DGKG: variants seen among roughly 807,000 people sequenced by gnomAD.
DGKG encodes diacylglycerol kinase gamma.
In DGKG, 78 loss-of-function variants were observed where a neutral mutation model predicts 105.3. The observed-to-expected ratio is 0.74, with a 90% CI of 0.62 to 0.89. DGKG has a LOEUF of 0.89. Among genes scored for constraint, DGKG ranks in the 40% least tolerant of loss-of-function variants. The pLI is 0.00. For missense variants in DGKG, 958 were observed against 1,020.1 expected, an observed-to-expected ratio of 0.94 and a Z score of 0.83; for synonymous variants, 346 against 367.1, an observed-to-expected ratio of 0.94 and a Z score of 0.66.
chr3:186,165,226 A>G (rs1194934510), intron 22 of DGKG, among the ~76,000 whole-genome samples: 1 of 152,228 alleles, frequency 6.6e-6, no homozygotes, highest in East Asian at 1.9e-4. Context: ...TTTAGTGAAA[A>G]AAGATTTTGA....
chr3:186,326,716 C>A (rs1403866820), intron 1 of DGKG, among the ~76,000 whole-genome samples: 1 of 152,190 alleles, frequency 6.6e-6, no homozygotes, highest in Admixed American at 6.5e-5. Context: ...TTTCAGGCAA[C>A]GGCAAATCCT....
chr3:186,349,294 T>C (rs1726512844), intron 1 of DGKG, among the ~76,000 whole-genome samples: 2 of 152,194 alleles, frequency 1.3e-5, no homozygotes, highest in African/African-American at 4.8e-5. Flanking sequence ...TTCCCCTCAT[T>C]ATTTCACTTT....
At chr3:186,151,192 A>G (rs1715741774) in intron 24 of DGKG, among the ~76,000 whole-genome samples, 1 of 152,274 alleles carries the variant, frequency 6.6e-6, no homozygotes, top group South Asian at 2.1e-4. Context: ...TGTCAATGAA[A>G]GCCCACTGTA....
chr3:186,168,748 G>T (rs1716677125), intron 22 of DGKG, among the ~76,000 whole-genome samples: 1 of 152,174 alleles, frequency 6.6e-6, no homozygotes, highest in Non-Finnish European at 1.5e-5. Flanking sequence ...TATTTGGGAG[G>T]CTGAGACAGG....
intron 16 of DGKG, among the ~76,000 whole-genome samples, 158 bp downstream of exon 16, chr3:186,260,281 G>A (rs1721700414): frequency 6.6e-6 from 1 of 152,132 alleles, no homozygotes; most frequent in Non-Finnish European, 1.5e-5. Flanking sequence ...ATCTCCAGGA[G>A]TCAGAGTCAG....
chr3:186,287,890 A>C (rs1210485634), intron 6 of DGKG, among the ~76,000 whole-genome samples: 1 of 152,238 alleles, frequency 6.6e-6, no homozygotes. Flanking sequence ...TGTAACATGT[A>C]CATTTTTTTC....
chr3:186,270,071 G>A (rs556453718), intron 11 of DGKG, among the ~76,000 whole-genome samples: 3 of 152,114 alleles, frequency 2.0e-5, no homozygotes, highest in South Asian at 2.1e-4. Context: ...CCACAAGCAC[G>A]GTATTAAAAA....
At chr3:186,274,010 CT>C (rs1344950472) in intron 10 of DGKG, among the ~76,000 whole-genome samples, 5 of 152,318 alleles carry the variant, frequency 3.3e-5, no homozygotes, top group African/African-American at 9.6e-5. Context: ...CCTTATCACT[CT>C]TTTCCCCCAT....
chr3:186,290,975 C>T (rs776455518), intron 5 of DGKG, among the ~76,000 whole-genome samples: 3 of 152,154 alleles, frequency 2.0e-5, no homozygotes, highest in East Asian at 1.9e-4. Flanking sequence ...CCCCATAATT[C>T]GTGAATCATT....
At chr3:186,259,114 C>A (rs976010861) in intron 16 of DGKG, among the ~76,000 whole-genome samples, 1 of 148,458 alleles carries the variant, frequency 6.7e-6, no homozygotes, top group Non-Finnish European at 1.5e-5. Context: ...CGGGACTCTC[C>A]GACGGGAAGT....
intron 19 of DGKG, among the ~76,000 whole-genome samples, chr3:186,243,093 A>G (rs6802922): frequency 0.15 from 22,074 of 151,902 alleles, 1,727 homozygotes; most frequent in Middle Eastern, 0.22. Context: ...TTATATAACT[A>G]TAGGATATTG....
At chr3:186,281,543 G>A (rs867903979) in intron 7 of DGKG, among the ~76,000 whole-genome samples, 1 of 152,172 alleles carries the variant, frequency 6.6e-6, no homozygotes, top group Admixed American at 6.5e-5. Flanking sequence ...ACTGAAGCAA[G>A]GTTCAAAAGT....
At chr3:186,221,999 G>A (rs548721696) in intron 20 of DGKG, among the ~76,000 whole-genome samples, 6 of 152,158 alleles carry the variant, frequency 3.9e-5, no homozygotes, top group Non-Finnish European at 8.8e-5. Context: ...CCCAAGGGTC[G>A]CGCTCTTTTG....
At chr3:186,206,081 T>C (rs1360581453) in intron 21 of DGKG, among the ~76,000 whole-genome samples, 1 of 152,128 alleles carries the variant, frequency 6.6e-6, no homozygotes, top group Non-Finnish European at 1.5e-5. Flanking sequence ...GTTTTAAAGA[T>C]TGGATTAAAT....
chr3:186,314,084 T>C, intron 2 of DGKG, among the ~76,000 whole-genome samples: 2 of 152,108 alleles, frequency 1.3e-5, no homozygotes, highest in East Asian at 3.8e-4. Flanking sequence ...AAGAAATATA[T>C]TTCCTAATAG....
intron 14 of DGKG, among the ~76,000 whole-genome samples, chr3:186,262,320 C>CA (rs1721817130): frequency 6.6e-6 from 1 of 152,128 alleles, no homozygotes; most frequent in Non-Finnish European, 1.5e-5. Flanking sequence ...ATACATGACC[C>CA]ATCTTCTCTC....
intron 3 of DGKG, among the ~76,000 whole-genome samples, chr3:186,304,153 C>T (rs1724111899): frequency 6.6e-6 from 1 of 152,234 alleles, no homozygotes. Context: ...TGCAGTGGCC[C>T]TGACCAAACT....
At chr3:186,243,688 C>A (rs1156454741) in intron 19 of DGKG, among the ~76,000 whole-genome samples, 2 of 152,112 alleles carry the variant, frequency 1.3e-5, no homozygotes, top group South Asian at 2.1e-4. Flanking sequence ...GGTGCAGGTG[C>A]TGGGCTTCAG....
intron 1 of DGKG, among the ~76,000 whole-genome samples, chr3:186,349,422 A>G (rs1726518800): frequency 6.6e-6 from 1 of 152,230 alleles, no homozygotes. Flanking sequence ...ATTTCAAAGC[A>G]GGCAAAGTTT....
Sources: allele counts gnomAD v4.1 joint callset (sites outside exome capture counted in the v4.1 genomes callset), GRCh38; gene constraint gnomAD v4.1.1; transcripts MANE v1.5; gene names NCBI Gene and HGNC (gene_info 2026-07-23, HGNC 2026-07-21).